Variants in DOP1B observed in about 807,000 individuals in gnomAD.
The protein encoded by DOP1B is protein DOP1B.
Under a neutral mutation model 233.5 loss-of-function variants are expected in DOP1B, and 174 were observed. That is an observed-to-expected ratio of 0.75 (90% CI 0.66 to 0.85). DOP1B has a LOEUF of 0.85. Ranked by LOEUF, DOP1B falls within the 40% of genes least tolerant of loss-of-function variation. The probability of loss-of-function intolerance (pLI) is 0.00; values close to 1 mark genes in which losing one functional copy is unlikely to be tolerated. For missense variants in DOP1B, 2,652 were observed against 2,846.6 expected (o/e 0.93, Z 1.56); for synonymous variants, 1,190 against 1,185.6 (o/e 1.00, Z -0.08).
chr21:36,173,588 A>AT (rs1286609075), intron 2 of DOP1B, among the ~76,000 whole-genome samples: 5 of 151,426 alleles, frequency 3.3e-5, no homozygotes, highest in Admixed American at 1.3e-4. Context: ...CACCCGGCTA[A>AT]TTTTTTTTGT....
intron 4 of DOP1B, among the ~76,000 whole-genome samples, chr21:36,206,931 A>G (rs943489346): frequency 6.6e-6 from 1 of 152,158 alleles, no homozygotes; most frequent in Non-Finnish European, 1.5e-5. Flanking sequence ...ATTTCCTGCA[A>G]TATTTTACAG....
rs1463757935 is a variant in DOP1B at position 36,246,690 on chromosome 21, C to T, written c.4697+13C>T. The T allele has an allele frequency of 2.5e-6, 4 of 1,592,488 alleles. No homozygotes were observed. The highest frequency in any genetic ancestry group is 1.1e-5 in the South Asian group (1 of 89,992). ...AGCTCTCTGTCAGGTGCGTTACGCTCCTTGTGACATCTTTATTGCTTTAGT... is the reference window on the plus strand; with the variant it reads ...AGCTCTCTGTCAGGTGCGTTACGCTTCTTGTGACATCTTTATTGCTTTAGT... On this transcript the variant is annotated intron_variant, in intron 19 of 36. Transcript: ENST00000691173. The surrounding 1 kb of genome is among the most constrained non-coding windows in gnomAD (Gnocchi z 5.1).
At chr21:36,160,477 CTT>C (rs5843748) in intron 1 of DOP1B, among the ~76,000 whole-genome samples, 17 of 122,786 alleles carry the variant, frequency 1.4e-4, no homozygotes, top group African/African-American at 3.2e-4. Context: ...TTTAAGTTTT[CTT>C]TTTTTTTTTT....
Position 36,270,170 on chromosome 21 carries a change from G to A in DOP1B, c.5632+13G>A. ...GAGGACCTGTATGGTAGGTGGAGAT[G>A]GGTTGGCTGATAGTGCCTCTGGTCA... On this transcript the variant is annotated intron_variant, in intron 27 of 36. Transcript: ENST00000691173. 1 of 1,612,488 alleles carries A rather than the reference G, an allele frequency of 6.2e-7. No individual in the cohort carries two copies. The highest frequency in any genetic ancestry group is 2.2e-5 in the East Asian group (1 of 44,848).
At chr21:36,167,940 C>CTTTTTTTTTTTTTTTTTTT (rs869190433) in intron 2 of DOP1B, among the ~76,000 whole-genome samples, 1 of 40,012 alleles carries the variant, frequency 2.5e-5, no homozygotes, top group Non-Finnish European at 5.4e-5. Flanking sequence ...TTTTCTTTTT[C>CTTTTTTTTTTTTTTTTTTT]TTTTTTTTTT....
chr21:36,225,690 C>A (rs955842866), intron 12 of DOP1B, 23 bp downstream of exon 12: 2 of 1,610,566 alleles, frequency 1.2e-6, no homozygotes, highest in Non-Finnish European at 1.7e-6. Flanking sequence ...GAAGGGACAT[C>A]TCAACGCCTG....
In DOP1B at chr21:36,261,283, T is replaced by C. The variant is rs1222319173; in HGVS notation, c.5315+551T>C. ...GGGAGGCTGAGGCAGGAGAATTGCA[T>C]GAACCCAGGAGGCGGAGGTTGCAGC... On this transcript the variant is annotated intron_variant, in intron 24 of 36. Transcript: ENST00000691173. 9 of 955,950 alleles carry C rather than the reference T, an allele frequency of 9.4e-6. No homozygotes were observed. In the East Asian group the frequency reaches 7.1e-4, roughly 75 times the overall value. The allele number at this position is 955,950 out of a possible 1,614,324, so 59.2% of individuals were successfully genotyped here.
chr21:36,222,008 A>G (rs554918655), intron 10 of DOP1B, among the ~76,000 whole-genome samples: 71 of 152,158 alleles, frequency 4.7e-4, no homozygotes, highest in African/African-American at 1.6e-3. Context: ...AGTAGCTGGG[A>G]TTACAGATGC....
chr21:36,220,667 A>ATTTTTT (rs201067094), intron 10 of DOP1B, among the ~76,000 whole-genome samples: 1 of 134,898 alleles, frequency 7.4e-6, no homozygotes, highest in African/African-American at 2.7e-5. Flanking sequence ...TGCCCAGCTA[A>ATTTTTT]TTTTTTTTTT....
In DOP1B at chr21:36,232,788, G is replaced by T. The variant is rs2066782459; in HGVS notation, c.2351-16G>T. The T allele has an allele frequency of 6.2e-7, 1 of 1,611,534 alleles. No homozygotes were observed. On this transcript the variant is annotated splice_polypyrimidine_tract_variant and intron_variant, in intron 14 of 36. Coordinates refer to ENST00000691173, the MANE Select transcript of DOP1B (RefSeq NM_001320714.2). ...GGTTCTGCTTGTTTCTGCCTCTCCG[G>T]CTGGCTTCCTTTCAGGAGCCGGTGA...
intron 23 of DOP1B, 43 bp from the exon 24 acceptor site, chr21:36,260,634 T>C: frequency 6.2e-7 from 1 of 1,611,996 alleles, no homozygotes. Context: ...TTTAGCCTTA[T>C]TTCCCACCAA....
chr21:36,254,071 G>C (rs1427398713), intron 23 of DOP1B, among the ~76,000 whole-genome samples, 162 bp downstream of exon 23: 2 of 152,254 alleles, frequency 1.3e-5, no homozygotes, highest in Admixed American at 1.3e-4. Flanking sequence ...CTGTGCTTTG[G>C]GGGAGACCTA....
At position 36,293,371 on chromosome 21, in the gene DOP1B, C is replaced by T. The variant is rs376673997; in HGVS notation, c.6697C>T (p.Arg2233Cys). 18 of 1,614,136 alleles carry T rather than the reference C, an allele frequency of 1.1e-5. No individual in the cohort carries two copies. In the African/African-American group the frequency reaches 1.7e-4, roughly 16 times the overall value. The change falls in exon 37 of 37, where the codon CGC (arginine) becomes TGC (cysteine). Residue 2233 changes from arginine to cysteine, a missense_variant. Around this residue, in one of 3 missense-constraint regions of DOP1B, gnomAD observed 2,617 missense variants for 2,794.3 expected, o/e 0.94. Transcript: ENST00000691173. ...CATGAAGAGTGAATTCCCGCTTCTG[C>T]GCCAACATTCTGTTTCCAGCATCAG... ...ITMKSEFPLL[R>C]QHSVSSIRQL...
At chr21:36,279,206 T>C (rs555937364) in intron 30 of DOP1B, among the ~76,000 whole-genome samples, 3 of 147,616 alleles carry the variant, frequency 2.0e-5, no homozygotes, top group East Asian at 2.0e-4. Flanking sequence ...AGCCCAGGAG[T>C]TGGAGACCAG....
rs551334908 is a variant in DOP1B at position 36,258,972 on chromosome 21, GTTTTT to G, written c.5260-1688_5260-1684del. On this transcript the variant is annotated intron_variant, in intron 23 of 36. Transcript: ENST00000691173. The stretch of plus-strand genomic sequence containing the variant: ...TATGGTCATCCTGTTGCCTTTCACT[GTTTTT>G]TTTTTTTTTTTTTTTTGAGACGAAG... 5.3e-3 allele frequency among the ~76,000 whole-genome samples: 620 copies of G among 116,020 alleles called. 5 individuals carry two copies. Among genetic ancestry groups the G allele is most frequent in the African/African-American group, 0.019 (583 of 29,932 alleles). 76.1% of individuals were successfully genotyped at this position (116,020 alleles called of 152,430 possible). A position where few individuals can be genotyped will look rare whatever the true frequency, so the allele number is the denominator to read the frequency against.
chr21:36,242,150 G>GCAT (rs1235398590), intron 18 of DOP1B, among the ~76,000 whole-genome samples: 1 of 104,430 alleles, frequency 9.6e-6, no homozygotes, highest in African/African-American at 4.1e-5. Flanking sequence ...AGTTCCTTGG[G>GCAT]CATTATTATT....
chr21:36,292,256 C>CTTTTTTTTTTTTTT, intron 36 of DOP1B, 23 bp downstream of exon 36: 4 of 1,334,836 alleles, frequency 3.0e-6, no homozygotes, highest in South Asian at 1.5e-5. Context: ...CTTTTCTTTT[C>CTTTTTTTTTTTTTT]TTTTTTTTTT....
chr21:36,289,195 A>G lies in DOP1B; in HGVS notation c.6504A>G (p.Pro2168=). The G allele has an allele frequency of 6.2e-7, 1 of 1,613,354 alleles. No homozygotes were observed. The highest frequency in any genetic ancestry group is 8.5e-7 in the Non-Finnish European group (1 of 1,179,878). The change falls in exon 35 of 37, where the codon CCA becomes CCG. Residue 2168 remains proline (P), a synonymous_variant. Transcript: ENST00000691173. The part of the protein sequence containing the change: ...TALSFPPDKM[P]LFQIYRWAFI... The stretch of plus-strand genomic sequence containing the variant: ...TTTCTTTTCCACCTGACAAGATGCC[A>G]TTATTTCAAATGTAAGTCAGATAGG...
At chr21:36,280,858 C>T (rs959917817) in intron 31 of DOP1B, among the ~76,000 whole-genome samples, 4 of 151,946 alleles carry the variant, frequency 2.6e-5, no homozygotes, top group Non-Finnish European at 5.9e-5. Flanking sequence ...AAAAAATAGC[C>T]AGGCATAGTG....
Sources: allele counts gnomAD v4.1 joint callset (sites outside exome capture counted in the v4.1 genomes callset), GRCh38; gene constraint gnomAD v4.1.1; regional missense constraint gnomAD v4.1.1; non-coding constraint Gnocchi (gnomAD v3.1); transcripts MANE v1.5; gene names NCBI Gene and HGNC (gene_info 2026-07-23, HGNC 2026-07-21).